Variants in CAMK2D observed in about 807,000 individuals in gnomAD.
CAMK2D encodes the protein calcium/calmodulin-dependent protein kinase type II subunit delta.
In CAMK2D, 37 loss-of-function variants were observed where a neutral mutation model predicts 84.0. The ratio of observed to expected loss-of-function variants is 0.44; its 90% CI spans 0.34 to 0.58. CAMK2D has a LOEUF of 0.58. Among genes scored for constraint, CAMK2D ranks in the 20% least tolerant of loss-of-function variants. The probability of loss-of-function intolerance (pLI) is 0.02; values close to 1 mark genes in which losing one functional copy is unlikely to be tolerated. For missense variants in CAMK2D, 448 were observed against 652.5 expected (o/e 0.69, Z 3.41); for synonymous variants, 202 against 212.5 (o/e 0.95, Z 0.43).
intron 2 of CAMK2D, among the ~76,000 whole-genome samples, chr4:113,727,999 G>A (rs879513003): frequency 3.3e-5 from 5 of 152,178 alleles, no homozygotes; most frequent in Middle Eastern, 3.4e-3. Context: ...CTAAAACAAA[G>A]ACTGACAATA....
chr4:113,561,435 C>T (rs1298691698), intron 4 of CAMK2D, among the ~76,000 whole-genome samples: 1 of 152,182 alleles, frequency 6.6e-6, no homozygotes, highest in Non-Finnish European at 1.5e-5. Context: ...GATCACACCA[C>T]TGCACTTCAG....
chr4:113,731,899 A>G (rs1267771106), intron 2 of CAMK2D, among the ~76,000 whole-genome samples: 1 of 151,974 alleles, frequency 6.6e-6, no homozygotes, highest in Non-Finnish European at 1.5e-5. Flanking sequence ...CTCTTTTTAT[A>G]TGGCCCTCTC....
At chr4:113,573,932 T>C (rs2098767293) in intron 4 of CAMK2D, among the ~76,000 whole-genome samples, 1 of 152,202 alleles carries the variant, frequency 6.6e-6, no homozygotes, top group South Asian at 2.1e-4. Context: ...TCAATATCCC[T>C]GTCTACCCTC....
intron 2 of CAMK2D, among the ~76,000 whole-genome samples, chr4:113,680,462 G>C (rs1234698513): frequency 2.0e-5 from 3 of 152,184 alleles, no homozygotes; most frequent in Non-Finnish European, 4.4e-5. Context: ...ACTGCTGGAG[G>C]CTCTCCTGAC....
chr4:113,587,863 G>A (rs1043978937), intron 4 of CAMK2D, among the ~76,000 whole-genome samples: 37 of 151,938 alleles, frequency 2.4e-4, no homozygotes, highest in African/African-American at 3.9e-4. Context: ...CATACCCTTC[G>A]AAAAAGTCTG....
intron 2 of CAMK2D, among the ~76,000 whole-genome samples, chr4:113,716,564 T>C (rs1010255446): frequency 6.8e-6 from 1 of 147,066 alleles, no homozygotes; most frequent in African/African-American, 2.5e-5. Context: ...GGCAGGAGAA[T>C]CGCTTGAACC....
intron 8 of CAMK2D, among the ~76,000 whole-genome samples, chr4:113,520,363 G>A (rs1001961699): frequency 1.4e-4 from 22 of 151,998 alleles, no homozygotes; most frequent in Non-Finnish European, 2.9e-4. Flanking sequence ...AGCCAAGGTC[G>A]TGCCACTGAA....
In CAMK2D at chr4:113,760,990, G is replaced by A. The variant is rs1475143708; in HGVS notation, c.65+14C>T. On this transcript the variant is annotated intron_variant, in intron 1 of 20. Coordinates refer to ENST00000511664, the MANE Select transcript of CAMK2D (RefSeq NM_001321571.2). ...TGGAAAGGGGATATGCGGATGCCGG[G>A]CAAAGGTGCTTACTTTCCAAGCTCC... The A allele has an allele frequency of 1.2e-6, 2 of 1,614,120 alleles. No individual in the cohort carries two copies. The highest frequency in any genetic ancestry group is 2.2e-5 in the South Asian group (2 of 91,082).
intron 16 of CAMK2D, among the ~76,000 whole-genome samples, chr4:113,482,534 T>A (rs1198888300): frequency 2.0e-5 from 3 of 152,230 alleles, no homozygotes; most frequent in African/African-American, 7.2e-5. Context: ...AGTAATGCAG[T>A]AGTGCAGACT....
At chr4:113,616,401 G>C (rs1364229654) in intron 3 of CAMK2D, among the ~76,000 whole-genome samples, 1 of 152,092 alleles carries the variant, frequency 6.6e-6, no homozygotes, top group Non-Finnish European at 1.5e-5. Context: ...TAAAAGCCAA[G>C]TTTAGATTAT....
chr4:113,721,590 C>G (rs569345860), intron 2 of CAMK2D, among the ~76,000 whole-genome samples: 9 of 152,280 alleles, frequency 5.9e-5, no homozygotes, highest in African/African-American at 1.9e-4. Context: ...CCACTTGGGA[C>G]TCCATGGTTG....
At chr4:113,508,188 TA>T in intron 13 of CAMK2D, 1 of 1,367,972 alleles carries the variant, frequency 7.3e-7, no homozygotes, top group Non-Finnish European at 1.0e-6. Flanking sequence ...CTTTTATTCC[TA>T]AGTGTGAATT....
chr4:113,592,370 A>T (rs1283449883), intron 4 of CAMK2D, among the ~76,000 whole-genome samples: 1 of 152,248 alleles, frequency 6.6e-6, no homozygotes, highest in Non-Finnish European at 1.5e-5. Context: ...AATGTCACTG[A>T]CAGTCCACAG....
chr4:113,650,218 G>A (rs1190134568), intron 3 of CAMK2D, among the ~76,000 whole-genome samples: 1 of 151,348 alleles, frequency 6.6e-6, no homozygotes, highest in Non-Finnish European at 1.5e-5. Flanking sequence ...CTAATCTAAT[G>A]ATTGTTTAAG....
rs574953651 is a variant in CAMK2D, at chr4:113,668,845, TTTTA to T, written c.161-7077_161-7074del. On this transcript the variant is annotated intron_variant, in intron 2 of 20. Coordinates refer to ENST00000511664, the MANE Select transcript of CAMK2D (RefSeq NM_001321571.2). Reference sequence around the variant, plus strand: ...TTTGTAAATAAATAAAATTGTTCGGTTTTATCTATAAACTTACTATATTCTTTTA... The same window carrying T: ...TTTGTAAATAAATAAAATTGTTCGGTTCTATAAACTTACTATATTCTTTTA... Among the ~76,000 whole-genome samples the T allele has an allele frequency of 3.9e-4, 60 of 152,270 alleles. 2 individuals carry two copies. In the South Asian group the frequency reaches 0.012, roughly 31 times the overall value.
chr4:113,754,424 C>T (rs887159298), intron 2 of CAMK2D: 8 of 952,886 alleles, frequency 8.4e-6, no homozygotes, highest in African/African-American at 7.1e-5. Context: ...TCTAGTAATT[C>T]GTGATTATTA....
At chr4:113,711,278 T>G (rs887181488) in intron 2 of CAMK2D, among the ~76,000 whole-genome samples, 2 of 151,780 alleles carry the variant, frequency 1.3e-5, no homozygotes, top group Non-Finnish European at 2.9e-5. Flanking sequence ...AGTTTAGAAG[T>G]TCCCAACTTA....
chr4:113,548,495 C>G (rs140150753), intron 5 of CAMK2D, among the ~76,000 whole-genome samples: 1 of 152,090 alleles, frequency 6.6e-6, no homozygotes, highest in Non-Finnish European at 1.5e-5. Flanking sequence ...TGTAGATGAG[C>G]AAACTGGAAG....
At chr4:113,677,531 G>T in intron 2 of CAMK2D, 1 of 973,584 alleles carries the variant, frequency 1.0e-6, no homozygotes, top group Non-Finnish European at 1.2e-6. Context: ...GAACTTGCTC[G>T]TCTTACTTCC....
Sources: gnomAD v4.1 joint callset for allele counts (sites outside exome capture counted in the v4.1 genomes callset) on GRCh38, gnomAD v4.1.1 for gene constraint, MANE v1.5 for transcripts, NCBI Gene and HGNC (gene_info 2026-07-23, HGNC 2026-07-21) for gene names.